SGSM2: variants seen among roughly 807,000 people sequenced by gnomAD.
SGSM2 encodes the protein small G protein signaling modulator 2, also known as RUN and TBC1 domain containing 1.
A neutral mutation model predicts 126.6 loss-of-function variants in SGSM2; 89 were observed. The observed-to-expected ratio is 0.70, with a 90% confidence interval of 0.59 to 0.84. The LOEUF is 0.84. Among genes scored for constraint, SGSM2 ranks in the 40% least tolerant of loss-of-function variants. The pLI, the probability that SGSM2 is intolerant of heterozygous loss-of-function variation, is 0.00. For synonymous variants in SGSM2, 614 were observed against 574.3 expected, an observed-to-expected ratio of 1.07 and a Z score of -0.99; for missense variants, 1,404 against 1,416.6, an observed-to-expected ratio of 0.99 and a Z score of 0.14.
intron 1 of SGSM2, among the ~76,000 whole-genome samples, chr17:2,338,502 C>G (rs1344367560): frequency 6.6e-6 from 1 of 152,110 alleles, no homozygotes; most frequent in African/African-American, 2.4e-5. Context: ...AGCTCCAACC[C>G]ACAGCGCAGC....
intron 2 of SGSM2, among the ~76,000 whole-genome samples, chr17:2,354,579 CTTTTGCTGTT>C (rs1353870700): frequency 2.0e-5 from 3 of 152,168 alleles, no homozygotes; most frequent in Non-Finnish European, 2.9e-5. Context: ...GACTTCCAGT[CTTTTGCTGTT>C]ATAACTAAAT....
chr17:2,342,185 C>T (rs1262671378), intron 1 of SGSM2, among the ~76,000 whole-genome samples: 6 of 149,674 alleles, frequency 4.0e-5, no homozygotes, highest in Non-Finnish European at 5.9e-5. Flanking sequence ...GGGAGGCCAA[C>T]GCGGGTGGAT....
intron 2 of SGSM2, among the ~76,000 whole-genome samples, chr17:2,348,837 A>G (rs1200287745): frequency 6.6e-6 from 1 of 152,008 alleles, no homozygotes; most frequent in African/African-American, 2.4e-5. Context: ...ATCATAGCTC[A>G]CTCAGCCTCG....
At position 2,373,258 on chromosome 17, in the gene SGSM2, G is replaced by A. The variant is rs144352214; in HGVS notation, c.1918-73G>A. ...TCTGAGACTCAGGACCCAAGGTCCA[G>A]TGCAGGCCCAGCTCCTGAAGGGGAG... On this transcript the variant is annotated intron_variant, in intron 16 of 23. Transcript: ENST00000268989. The A allele has an allele frequency of 4.5e-6, 7 of 1,564,398 alleles. No homozygotes were observed. In the African/African-American group the frequency reaches 9.4e-5, roughly 21 times the overall value.
chr17:2,365,666 G>A (rs1313797051), intron 11 of SGSM2, among the ~76,000 whole-genome samples: 1 of 152,050 alleles, frequency 6.6e-6, no homozygotes, highest in Non-Finnish European at 1.5e-5. Context: ...AGAAGTAGAA[G>A]GTGGGGAACC....
At chr17:2,352,397 T>C (rs2064893540) in intron 2 of SGSM2, among the ~76,000 whole-genome samples, 1 of 152,206 alleles carries the variant, frequency 6.6e-6, no homozygotes, top group Non-Finnish European at 1.5e-5. Context: ...CAGCGGTGGC[T>C]GAACTCCCCT....
chr17:2,337,762 A>G lies in SGSM2; in HGVS notation c.57+17A>G. On this transcript the variant is annotated intron_variant, in intron 1 of 23. Transcript: ENST00000268989. The surrounding 1 kb of genome is among the most constrained non-coding windows in gnomAD (Gnocchi z 5.1). ...AAGAAGGAGGTAAAGTCGAGTCAAG[A>G]ACCCCGGGGGGCTCGCGCCCTGGCC... The G allele has an allele frequency of 6.6e-7, 1 of 1,517,160 alleles. No homozygotes were observed. The highest frequency in any genetic ancestry group is 8.9e-7 in the Non-Finnish European group (1 of 1,127,612). The allele number at this position is 1,517,160 out of a possible 1,614,324, so 94.0% of individuals were successfully genotyped here. A position where few individuals can be genotyped will look rare whatever the true frequency, so the allele number is the denominator to read the frequency against.
intron 2 of SGSM2, among the ~76,000 whole-genome samples, chr17:2,352,020 G>A (rs2064874890): frequency 6.6e-6 from 1 of 152,194 alleles, no homozygotes; most frequent in African/African-American, 2.4e-5. Context: ...AATAGCCAGG[G>A]AGAGAAGCGG....
At chr17:2,365,459 A>G in intron 11 of SGSM2, 118 bp downstream of exon 11, 1 of 1,221,760 alleles carries the variant, frequency 8.2e-7, no homozygotes, top group African/African-American at 1.5e-5. Flanking sequence ...GGTTAACACC[A>G]GAGGCTCATC....
chr17:2,367,078 AGCCCCTCGC>A lies in SGSM2; in HGVS notation c.1289-192_1289-184del. The A allele has an allele frequency of 1.7e-6, 1 of 598,370 alleles. No homozygotes were observed. The highest frequency in any genetic ancestry group is 2.2e-5 in the South Asian group (1 of 44,448). The allele number at this position is 598,370 out of a possible 1,614,324, so 37.1% of individuals were successfully genotyped here. Reference sequence around the variant, plus strand: ...AAGAGTGAGGTTCTGCAGCTGCCCCAGCCCCTCGCCTCCTTCCACACTCTCCCAGGAAAA... The same window carrying A: ...AAGAGTGAGGTTCTGCAGCTGCCCCACTCCTTCCACACTCTCCCAGGAAAA... On this transcript the variant is annotated intron_variant, in intron 11 of 23. Transcript: ENST00000268989. The surrounding 1 kb of genome is among the most constrained non-coding windows in gnomAD (Gnocchi z 4.0).
chr17:2,372,643 C>A lies in SGSM2; in HGVS notation c.1788+155C>A. The A allele has an allele frequency of 1.8e-6, 2 of 1,108,640 alleles. No individual in the cohort carries two copies. Among genetic ancestry groups the A allele is most frequent in the Non-Finnish European group, 2.6e-6 (2 of 770,406 alleles). The allele number at this position is 1,108,640 out of a possible 1,614,324, so 68.7% of individuals were successfully genotyped here. On this transcript the variant is annotated intron_variant, in intron 15 of 23. Coordinates refer to ENST00000268989, the MANE Select transcript of SGSM2 (RefSeq NM_014853.3). This position sits in a 1 kb window ranked among gnomAD's most constrained non-coding sequence, Gnocchi z 6.0. ...CCGGCAGAATCTCTTGCAGCTGGGC[C>A]TGGGGCTGACACGGGAAGGGGGCTG...
At position 2,364,728 on chromosome 17, in the gene SGSM2, G is replaced by A. The variant is rs1173522892; in HGVS notation, c.1000+65G>A. ...GGCTGCCTTCTGCCAGCTGTGCACTGTGCGTGGGGCCTGTAAGACTCCTCG... is the reference window on the plus strand; with the variant it reads ...GGCTGCCTTCTGCCAGCTGTGCACTATGCGTGGGGCCTGTAAGACTCCTCG... On this transcript the variant is annotated intron_variant, in intron 9 of 23. Coordinates refer to ENST00000268989, the MANE Select transcript of SGSM2 (RefSeq NM_014853.3). 81 of 1,587,594 alleles carry A rather than the reference G, an allele frequency of 5.1e-5. 1 individual carries two copies. The highest frequency in any genetic ancestry group is 6.6e-5 in the Non-Finnish European group (76 of 1,157,440).
At chr17:2,351,855 T>C (rs934344610) in intron 2 of SGSM2, among the ~76,000 whole-genome samples, 1 of 152,204 alleles carries the variant, frequency 6.6e-6, no homozygotes, top group Non-Finnish European at 1.5e-5. Flanking sequence ...GTTGCGAATG[T>C]TGCTTTCTTG....
At chr17:2,358,225 T>A (rs1193973130) in intron 2 of SGSM2, among the ~76,000 whole-genome samples, 1 of 152,180 alleles carries the variant, frequency 6.6e-6, no homozygotes, top group Non-Finnish European at 1.5e-5. Context: ...TGGGCCGTCA[T>A]GTGGACTCTC....
chr17:2,372,533 CG>C lies in SGSM2; in HGVS notation c.1788+48del, dbSNP rs2065922927. ...AGGGCCACAGGTCGAGGGGCTGGGG[CG>C]GGCAGGAGTGAGGGCTTCAGGGTAA... is the stretch of plus-strand genomic sequence containing the variant. On this transcript the variant is annotated intron_variant, in intron 15 of 23. Transcript: ENST00000268989. This position sits in a 1 kb window ranked among gnomAD's most constrained non-coding sequence, Gnocchi z 6.0. 1 of 1,584,220 alleles carries C rather than the reference CG, an allele frequency of 6.3e-7. No individual in the cohort carries two copies. The highest frequency in any genetic ancestry group is 8.5e-7 in the Non-Finnish European group (1 of 1,170,118).
rs552345031 is a variant in SGSM2 at position 2,337,935 on chromosome 17, G to A, written c.57+190G>A. Among the ~76,000 whole-genome samples the A allele has an allele frequency of 2.6e-5, 4 of 151,994 alleles. No homozygotes were observed. Among genetic ancestry groups the A allele is most frequent in the Non-Finnish European group, 5.9e-5 (4 of 67,936 alleles). On this transcript the variant is annotated intron_variant, in intron 1 of 23. Coordinates refer to ENST00000268989, the MANE Select transcript of SGSM2 (RefSeq NM_014853.3). The surrounding 1 kb of genome is among the most constrained non-coding windows in gnomAD (Gnocchi z 5.1). Reference sequence around the variant, plus strand: ...GAGGGCAGCGCCCCTCTGCCCGGGGGACCCGGCCGGCGCTCCCGGCTTGTT... The same window carrying A: ...GAGGGCAGCGCCCCTCTGCCCGGGGAACCCGGCCGGCGCTCCCGGCTTGTT...
Position 2,362,223 on chromosome 17 carries a change from C to T in SGSM2, c.411C>T (p.Ile137=), listed in dbSNP as rs937948886. The T allele has an allele frequency of 8.7e-6, 14 of 1,613,768 alleles. No homozygotes were observed. The highest frequency in any genetic ancestry group is 2.2e-5 in the East Asian group (1 of 44,876). ...ACGTATGGGTACGCACGGCGCTCAT[C>T]GAGAAAGTTCTGGACAAGGTCGTGC... ...LKHVWVRTAL[I]EKVLDKVVQY... is the part of the protein sequence containing the mutation. Residue 137 remains isoleucine (I), a synonymous_variant, in exon 4 of 24, where the codon ATC becomes ATT. Transcript: ENST00000268989. This position sits in a 1 kb window ranked among gnomAD's most constrained non-coding sequence, Gnocchi z 4.9.
At chr17:2,352,767 C>CTTTTT (rs71150860) in intron 2 of SGSM2, among the ~76,000 whole-genome samples, 12 of 85,966 alleles carry the variant, frequency 1.4e-4, no homozygotes, top group Non-Finnish European at 2.2e-4. Context: ...GCTGCATTTT[C>CTTTTT]TTTTTTTTTT....
In SGSM2 at chr17:2,372,391, C is replaced by T. The variant is rs760139681; in HGVS notation, c.1691C>T (p.Ala564Val). The change falls in exon 15 of 24, where the codon GCG becomes GTG. Residue 564 changes from alanine to valine, a missense_variant. Transcript: ENST00000268989. The surrounding 1 kb of genome is among the most constrained non-coding windows in gnomAD (Gnocchi z 6.0). ...HLSTVRTHLS[A>V]LVHHSVIPPD... ...TCCACGGTGCGGACCCACCTGTCGG[C>T]GCTGGTGCACCATAGCGTTATCCCA... 21 of 1,592,356 alleles carry T rather than the reference C, an allele frequency of 1.3e-5. No individual in the cohort carries two copies. Among genetic ancestry groups the T allele is most frequent in the African/African-American group, 4.0e-5 (3 of 74,550 alleles).
Sources: gnomAD v4.1 joint callset for allele counts (sites outside exome capture counted in the v4.1 genomes callset) on GRCh38, gnomAD v4.1.1 for gene constraint, Gnocchi (gnomAD v3.1) non-coding constraint, MANE v1.5 for transcripts, NCBI Gene and HGNC (gene_info 2026-07-23, HGNC 2026-07-21) for gene names.